ARHGAP24: variants seen among roughly 807,000 people sequenced by gnomAD.
ARHGAP24 encodes Rho GTPase activating protein 24.
ARHGAP24 carries 50 observed loss-of-function variants against 76.4 expected under a neutral mutation model. The observed-to-expected ratio is 0.65, with a 90% CI of 0.52 to 0.83. The LOEUF is 0.83. Ranked by LOEUF, ARHGAP24 falls within the 40% of genes least tolerant of loss-of-function variation. The pLI is 0.00. For missense variants in ARHGAP24, 930 were observed against 914.2 expected (o/e 1.02, Z -0.22); for synonymous variants, 345 against 323.3 (o/e 1.07, Z -0.72).
chr4:85,724,512 TATATATATATATATATAG>T (rs200740676), intron 3 of ARHGAP24, among the ~76,000 whole-genome samples: 18,674 of 90,168 alleles, frequency 0.21, 1,883 homozygotes, highest in East Asian at 0.55. Flanking sequence ...TATATATATA[TATATATATATATATATAG>T]GAATTTTTAT....
rs898657999 is a variant in ARHGAP24 at position 85,972,126 on chromosome 4, T to C, written c.690T>C (p.Asp230=). The C allele has an allele frequency of 3.7e-6, 6 of 1,613,896 alleles. No individual in the cohort carries two copies. Among genetic ancestry groups the C allele is most frequent in the Non-Finnish European group, 5.1e-6 (6 of 1,179,956 alleles). The stretch of plus-strand genomic sequence containing the variant: ...TTATTCCTTATGCGAAGTATGAAGA[T>C]TTTTTGTCATGTGCCAAACTGCTCA... ...EPVIPYAKYE[D]FLSCAKLLSK... is the part of the protein sequence containing the mutation. The change falls in exon 6 of 10, where the codon GAT becomes GAC. Residue 230 remains aspartate, a synonymous_variant. Transcript: ENST00000395184.
intron 1 of ARHGAP24, among the ~76,000 whole-genome samples, chr4:85,496,952 A>C (rs1052173987): frequency 1.3e-5 from 2 of 152,234 alleles, no homozygotes; most frequent in Non-Finnish European, 2.9e-5. Flanking sequence ...TTACAAGTGG[A>C]CAAGGAAGGA....
At chr4:85,742,107 T>C (rs1356468053) in intron 3 of ARHGAP24, among the ~76,000 whole-genome samples, 1 of 152,164 alleles carries the variant, frequency 6.6e-6, no homozygotes, top group African/African-American at 2.4e-5. Context: ...GCCATGTGAC[T>C]TGTAGAAGGT....
In ARHGAP24 at chr4:85,639,703, T is replaced by TAAAAAA. The variant is rs3028175; in HGVS notation, c.180+68990_180+68995dup. ...TCTATTTATTGGAGGGAATAATTGG[T>TAAAAAA]AAAAAAAAAAAAAGGAGGGGAGAAG... On this transcript the variant is annotated intron_variant, in intron 2 of 9. Transcript: ENST00000395184. Among the ~76,000 whole-genome samples, 373 of 146,890 alleles carry TAAAAAA rather than the reference T, an allele frequency of 2.5e-3. 1 individual carries two copies. Among genetic ancestry groups the TAAAAAA allele is most frequent in the African/African-American group, 8.7e-3 (349 of 40,216 alleles).
intron 4 of ARHGAP24, among the ~76,000 whole-genome samples, chr4:85,932,779 G>A (rs1008160040): frequency 6.6e-6 from 1 of 152,200 alleles, no homozygotes; most frequent in African/African-American, 2.4e-5. Context: ...TGCAGGAAGC[G>A]TTCAGCGGTT....
chr4:85,890,120 A>G, intron 3 of ARHGAP24, among the ~76,000 whole-genome samples: 1 of 152,180 alleles, frequency 6.6e-6, no homozygotes, highest in East Asian at 1.9e-4. Context: ...TGGACCGATG[A>G]AAGGTCTGTT....
At chr4:85,759,289 A>G (rs1403895673) in intron 3 of ARHGAP24, among the ~76,000 whole-genome samples, 4 of 152,226 alleles carry the variant, frequency 2.6e-5, no homozygotes, top group African/African-American at 9.6e-5. Flanking sequence ...TTAGAGGAAC[A>G]TAAAGAAGGG....
chr4:85,487,891 A>AAT lies in ARHGAP24; in HGVS notation c.-21+12337_-21+12338dup, dbSNP rs1043756489. Among the ~76,000 whole-genome samples the AAT allele has an allele frequency of 9.4e-5, 12 of 127,344 alleles. 1 individual carries two copies. Among genetic ancestry groups the AAT allele is most frequent in the Admixed American group, 2.9e-4 (3 of 10,366 alleles). The allele number at this position is 127,344 out of a possible 152,430, so 83.5% of individuals were successfully genotyped here. On this transcript the variant is annotated intron_variant, in intron 1 of 9. Transcript: ENST00000395184. The stretch of plus-strand genomic sequence containing the variant: ...ATATAAATATATAATATATATAATA[A>AAT]ATATATTTTATATATATATATTTAT...
At chr4:85,971,931 A>T in intron 5 of ARHGAP24, 105 bp from the exon 6 acceptor site, 1 of 1,553,910 alleles carries the variant, frequency 6.4e-7, no homozygotes, top group South Asian at 1.1e-5. Context: ...GATTCATTCA[A>T]TTGCCAACTT....
intron 3 of ARHGAP24, among the ~76,000 whole-genome samples, chr4:85,900,662 G>A (rs562164863): frequency 1.3e-5 from 2 of 152,216 alleles, no homozygotes; most frequent in Non-Finnish European, 2.9e-5. Flanking sequence ...CTGACCACAG[G>A]TGATCCACCT....
chr4:85,904,356 T>C (rs1172637690), intron 3 of ARHGAP24, among the ~76,000 whole-genome samples: 1 of 152,226 alleles, frequency 6.6e-6, no homozygotes, highest in East Asian at 1.9e-4. Flanking sequence ...AATAACTACA[T>C]TTTTCTTTTG....
intron 2 of ARHGAP24, among the ~76,000 whole-genome samples, chr4:85,675,409 G>A (rs139708708): frequency 1.3e-5 from 2 of 152,276 alleles, no homozygotes; most frequent in Admixed American, 6.5e-5. Context: ...GTGGGAAGTG[G>A]CATTAGCAGG....
intron 8 of ARHGAP24, among the ~76,000 whole-genome samples, chr4:85,977,968 GA>G (rs1196440116): frequency 2.0e-5 from 3 of 151,918 alleles, no homozygotes; most frequent in East Asian, 1.9e-4. Flanking sequence ...TTCAAGAACT[GA>G]AAAAAACTAC....
intron 2 of ARHGAP24, among the ~76,000 whole-genome samples, chr4:85,635,912 T>G (rs1259748471): frequency 6.6e-6 from 1 of 151,926 alleles, no homozygotes; most frequent in Non-Finnish European, 1.5e-5. Context: ...TTTAAATAGA[T>G]TCCATAGGTT....
intron 2 of ARHGAP24, among the ~76,000 whole-genome samples, chr4:85,683,125 G>GT (rs140818785): frequency 0.089 from 9,606 of 107,640 alleles, 1,077 homozygotes; most frequent in African/African-American, 0.24. Context: ...GGTGGGGGGG[G>GT]GGTGCGGGGG....
At chr4:85,586,502 A>G (rs1243136241) in intron 2 of ARHGAP24, among the ~76,000 whole-genome samples, 1 of 152,200 alleles carries the variant, frequency 6.6e-6, no homozygotes, top group Non-Finnish European at 1.5e-5. Flanking sequence ...TTCAAACAGA[A>G]TGAAGCTTGA....
intron 1 of ARHGAP24, among the ~76,000 whole-genome samples, chr4:85,487,624 T>G (rs1376974718): frequency 9.3e-6 from 1 of 107,958 alleles, no homozygotes; most frequent in Non-Finnish European, 1.6e-5. Flanking sequence ...AAACATATAT[T>G]TATTACATAT....
chr4:85,819,115 A>C (rs1013210885), intron 3 of ARHGAP24, among the ~76,000 whole-genome samples: 1 of 152,214 alleles, frequency 6.6e-6, no homozygotes, highest in Non-Finnish European at 1.5e-5. Flanking sequence ...AAATTTTTAC[A>C]CATCCTTCCT....
intron 5 of ARHGAP24, among the ~76,000 whole-genome samples, chr4:85,962,601 G>A (rs1396339789): frequency 6.6e-6 from 1 of 151,928 alleles, no homozygotes; most frequent in Non-Finnish European, 1.5e-5. Flanking sequence ...CTGAAAATAG[G>A]TCACCTGAAT....
Sources: gnomAD v4.1 joint callset for allele counts (sites outside exome capture counted in the v4.1 genomes callset) on GRCh38, gnomAD v4.1.1 for gene constraint, MANE v1.5 for transcripts, NCBI Gene and HGNC (gene_info 2026-07-23, HGNC 2026-07-21) for gene names.